RNF13: variants seen among roughly 807,000 people sequenced by gnomAD.
RNF13 encodes E3 ubiquitin-protein ligase RNF13.
In RNF13, 19 loss-of-function variants were observed where a neutral mutation model predicts 37.7. That is an observed-to-expected ratio of 0.50 (90% CI 0.35 to 0.74). The LOEUF (loss-of-function observed/expected upper bound fraction) is 0.74, where lower values mean the gene tolerates loss of function less well. Ranked by LOEUF, RNF13 falls within the 30% of genes least tolerant of loss-of-function variation. The pLI, the probability that RNF13 is intolerant of heterozygous loss-of-function variation, is 0.01. For missense variants in RNF13, 375 were observed against 453.0 expected, an observed-to-expected ratio of 0.83 and a Z score of 1.56; for synonymous variants, 144 against 157.8, an observed-to-expected ratio of 0.91 and a Z score of 0.65.
intron 8 of RNF13, among the ~76,000 whole-genome samples, chr3:149,940,483 GT>G (rs1438066930): frequency 1.3e-5 from 2 of 152,024 alleles, no homozygotes; most frequent in Non-Finnish European, 1.5e-5. Flanking sequence ...AAAAGTAGAA[GT>G]TTTTATTTTA....
At chr3:149,879,558 T>G (rs1713144241) in intron 4 of RNF13, among the ~76,000 whole-genome samples, 1 of 152,170 alleles carries the variant, frequency 6.6e-6, no homozygotes, top group Non-Finnish European at 1.5e-5. Flanking sequence ...TCCTTTTACC[T>G]TGGCCTTCCA....
chr3:149,886,232 T>C (rs1480136969), intron 4 of RNF13, among the ~76,000 whole-genome samples: 1 of 152,218 alleles, frequency 6.6e-6, no homozygotes, highest in Non-Finnish European at 1.5e-5. Context: ...TGGTTTCATA[T>C]AAATTTTACA....
At chr3:149,934,611 A>G (rs1475366263) in intron 8 of RNF13, among the ~76,000 whole-genome samples, 1 of 150,202 alleles carries the variant, frequency 6.7e-6, no homozygotes, top group Non-Finnish European at 1.5e-5. Context: ...TTTTTTATTT[A>G]GGAGCATGTT....
intron 5 of RNF13, among the ~76,000 whole-genome samples, chr3:149,896,635 A>G (rs553235786): frequency 2.8e-4 from 42 of 151,876 alleles, no homozygotes; most frequent in African/African-American, 8.7e-4. Flanking sequence ...ACCTGCCACC[A>G]CGCCTGGCTA....
In RNF13 at chr3:149,917,803, G is replaced by A. The variant is rs534974146; in HGVS notation, c.607-3331G>A. Among the ~76,000 whole-genome samples the A allele has an allele frequency of 5.3e-5, 8 of 152,238 alleles. No homozygotes were observed. In the South Asian group the frequency reaches 1.7e-3, roughly 32 times the overall value. On this transcript the variant is annotated intron_variant, in intron 7 of 9. Coordinates refer to ENST00000392894, the MANE Select transcript of RNF13 (RefSeq NM_183381.3). ...CCATGTGTGTGAAAAGATGTGAAGT[G>A]CAGTTCTATGTCCATTAGTTCGAAC...
chr3:149,874,687 C>T (rs962165483), intron 4 of RNF13, among the ~76,000 whole-genome samples: 1 of 152,058 alleles, frequency 6.6e-6, no homozygotes, highest in Non-Finnish European at 1.5e-5. Flanking sequence ...AAATTTCTGA[C>T]TTGGCTTATA....
chr3:149,833,487 A>G (rs1394982497), intron 1 of RNF13, among the ~76,000 whole-genome samples: 1 of 152,210 alleles, frequency 6.6e-6, no homozygotes, highest in Non-Finnish European at 1.5e-5. Flanking sequence ...TGTTATAGTC[A>G]ATGTAATGTA....
intron 1 of RNF13, among the ~76,000 whole-genome samples, chr3:149,840,401 A>T (rs1444292546): frequency 6.6e-6 from 1 of 152,152 alleles, no homozygotes; most frequent in Non-Finnish European, 1.5e-5. Context: ...ACAGAGTTAT[A>T]TTCTGTCTTT....
chr3:149,895,417 G>T (rs1458661680), intron 4 of RNF13, 56 bp from the exon 5 acceptor site: 9 of 1,084,552 alleles, frequency 8.3e-6, no homozygotes, highest in Non-Finnish European at 1.2e-5. Context: ...AATTGTAAAA[G>T]ACAAACCACT....
chr3:149,860,340 A>G (rs1724132767), intron 3 of RNF13, among the ~76,000 whole-genome samples: 2 of 149,248 alleles, frequency 1.3e-5, no homozygotes, highest in Middle Eastern at 3.5e-3. Context: ...ATGTATACAC[A>G]CATATATACA....
chr3:149,876,278 A>G (rs1346914759), intron 4 of RNF13, among the ~76,000 whole-genome samples: 8 of 152,214 alleles, frequency 5.3e-5, no homozygotes. Context: ...ATTCTATCTT[A>G]TGTGTGAATG....
At chr3:149,817,046 G>A (rs920676537) in intron 1 of RNF13, among the ~76,000 whole-genome samples, 5 of 152,178 alleles carry the variant, frequency 3.3e-5, no homozygotes, top group Admixed American at 1.3e-4. Flanking sequence ...GAGGAGAGAG[G>A]ATGATAGGGA....
chr3:149,834,032 A>T (rs1721337349), intron 1 of RNF13, among the ~76,000 whole-genome samples: 1 of 152,228 alleles, frequency 6.6e-6, no homozygotes, highest in Admixed American at 6.5e-5. Flanking sequence ...ATATCAACAA[A>T]AATAAAATAG....
At position 149,883,623 on chromosome 3, in the gene RNF13, CT is replaced by C. The variant is rs1374748222; in HGVS notation, c.321+11470del. Among the ~76,000 whole-genome samples the C allele has an allele frequency of 1.8e-3, 278 of 151,410 alleles. 1 individual carries two copies. Among genetic ancestry groups the C allele is most frequent in the Non-Finnish European group, 5.6e-4 (38 of 67,878 alleles). ...TTCCGTATCCATGTAATTTCTGGGT[CT>C]GTTTCTGTTGAATGGTTTTTCTCAT... is the stretch of plus-strand genomic sequence containing the variant. On this transcript the variant is annotated intron_variant, in intron 4 of 9. Transcript: ENST00000392894.
At chr3:149,868,641 TTCTC>T (rs890365962) in intron 3 of RNF13, among the ~76,000 whole-genome samples, 4 of 150,912 alleles carry the variant, frequency 2.7e-5, no homozygotes, top group African/African-American at 7.3e-5. Context: ...TTTCCTTTCT[TTCTC>T]TCTCTCTCTT....
chr3:149,842,326 C>T (rs1394469298), intron 1 of RNF13, among the ~76,000 whole-genome samples: 1 of 152,118 alleles, frequency 6.6e-6, no homozygotes, highest in African/African-American at 2.4e-5. Context: ...TCACTGTGGT[C>T]TTCCTTCTAT....
At chr3:149,868,586 T>C (rs1711604989) in intron 3 of RNF13, among the ~76,000 whole-genome samples, 1 of 150,410 alleles carries the variant, frequency 6.6e-6, no homozygotes, top group African/African-American at 2.4e-5. Context: ...TCCCCTCCCC[T>C]TTCCTCCCAA....
intron 8 of RNF13, among the ~76,000 whole-genome samples, chr3:149,942,715 G>A (rs1720391985): frequency 6.6e-6 from 1 of 152,076 alleles, no homozygotes; most frequent in Non-Finnish European, 1.5e-5. Flanking sequence ...AATTGCTCTG[G>A]ATAGACCTCC....
intron 4 of RNF13, among the ~76,000 whole-genome samples, chr3:149,888,268 C>T (rs1450480745): frequency 6.6e-6 from 1 of 152,082 alleles, no homozygotes; most frequent in Non-Finnish European, 1.5e-5. Flanking sequence ...TCAGTATATC[C>T]TCTTTTAACT....
Sources: gnomAD v4.1 joint callset for allele counts (sites outside exome capture counted in the v4.1 genomes callset) on GRCh38, gnomAD v4.1.1 for gene constraint, MANE v1.5 for transcripts, NCBI Gene and HGNC (gene_info 2026-07-23, HGNC 2026-07-21) for gene names.